MRTFA: variants seen among roughly 807,000 people sequenced by gnomAD.
MRTFA encodes the protein myocardin related transcription factor A, also known as myocardin-related transcription factor A.
Under a neutral mutation model 83.5 loss-of-function variants are expected in MRTFA, and 20 were observed. The observed-to-expected ratio is 0.24, with a 90% CI of 0.17 to 0.35. MRTFA has a LOEUF of 0.35. Among genes scored for constraint, MRTFA ranks in the 10% least tolerant of loss-of-function variants. The pLI, the probability that MRTFA is intolerant of heterozygous loss-of-function variation, is 1.00. For missense variants in MRTFA, 1,200 were observed against 1,224.7 expected, an observed-to-expected ratio of 0.98 and a Z score of 0.30; for synonymous variants, 659 against 541.2, an observed-to-expected ratio of 1.22 and a Z score of -3.02.
intron 4 of MRTFA, among the ~76,000 whole-genome samples, chr22:40,451,961 GT>G (rs66904067): frequency 0.95 from 106,958 of 112,590 alleles, 51,246 homozygotes; most frequent in African/African-American, 0.97. Flanking sequence ...CCTGGCTGAA[GT>G]TTTTTTTTTT....
intron 1 of MRTFA, among the ~76,000 whole-genome samples, chr22:40,609,874 T>C (rs1272144124): frequency 6.6e-6 from 1 of 152,040 alleles, no homozygotes; most frequent in Admixed American, 6.6e-5. Flanking sequence ...TTTGAAATAA[T>C]ATATTCTGAA....
chr22:40,512,290 T>C (rs2147243629), intron 3 of MRTFA, among the ~76,000 whole-genome samples: 1 of 152,308 alleles, frequency 6.6e-6, no homozygotes, highest in East Asian at 1.9e-4. Context: ...CAATACTAAT[T>C]CTTACAGCAA....
intron 3 of MRTFA, among the ~76,000 whole-genome samples, chr22:40,512,178 G>T (rs933504502): frequency 6.6e-6 from 1 of 152,144 alleles, no homozygotes; most frequent in East Asian, 1.9e-4. Context: ...TAAATAAACT[G>T]AGGCTAAAAG....
chr22:40,552,766 CTAATA>C (rs2055462032), intron 2 of MRTFA, among the ~76,000 whole-genome samples: 1 of 152,080 alleles, frequency 6.6e-6, no homozygotes, highest in South Asian at 2.1e-4. Context: ...TGAGAACAGA[CTAATA>C]TAGTAAATTG....
chr22:40,478,892 A>T (rs1348976409), intron 3 of MRTFA, among the ~76,000 whole-genome samples: 1 of 152,098 alleles, frequency 6.6e-6, no homozygotes, highest in Non-Finnish European at 1.5e-5. Flanking sequence ...TGTTCCACAC[A>T]CAATGCCCCT....
intron 3 of MRTFA, among the ~76,000 whole-genome samples, chr22:40,504,154 AACTG>A (rs1602350764): frequency 1.3e-5 from 2 of 152,322 alleles, no homozygotes; most frequent in East Asian, 1.9e-4. Flanking sequence ...AAAAATTCAT[AACTG>A]ACTACCTAAT....
chr22:40,476,411 T>C (rs997623270), intron 3 of MRTFA, among the ~76,000 whole-genome samples: 14 of 151,716 alleles, frequency 9.2e-5, no homozygotes, highest in African/African-American at 3.4e-4. Context: ...AATGGAATTG[T>C]TTCCTCTCCT....
At chr22:40,448,205 G>A (rs151255674) in intron 4 of MRTFA, among the ~76,000 whole-genome samples, 4,538 of 152,360 alleles carry the variant, frequency 0.03, 122 homozygotes, top group Non-Finnish European at 0.04. Flanking sequence ...AGCTGCTCGG[G>A]AGGCTGAGGC....
At chr22:40,435,614 A>C (rs1434731591) in intron 4 of MRTFA, 60 bp from the exon 5 acceptor site, 2 of 1,571,054 alleles carry the variant, frequency 1.3e-6, no homozygotes, top group South Asian at 1.1e-5. Context: ...TAGTGCTACG[A>C]TATTCAGTGG....
In MRTFA at chr22:40,484,796, G is replaced by A. The variant is rs373684501; in HGVS notation, c.242-21510C>T. Among the ~76,000 whole-genome samples, 202 of 152,152 alleles carry A rather than the reference G, an allele frequency of 1.3e-3. 4 individuals carry two copies. The highest frequency in any genetic ancestry group is 3.5e-3 in the African/African-American group (146 of 41,480). On this transcript the variant is annotated intron_variant, in intron 3 of 14. Coordinates refer to ENST00000355630, the MANE Select transcript of MRTFA (RefSeq NM_020831.6). ...AGCTCAAAATCTAAAAGTAGAGGCG[G>A]GTGCGGTGGCTCACACCTGTAATCC...
At chr22:40,412,827 T>C (rs1392071923) in intron 14 of MRTFA, 2 of 152,146 alleles carry the variant, frequency 1.3e-5, no homozygotes, top group Non-Finnish European at 2.9e-5. Context: ...CACTGAACCA[T>C]ACACTTAAAA....
chr22:40,439,002 T>C (rs541949279), intron 4 of MRTFA, among the ~76,000 whole-genome samples: 3 of 152,348 alleles, frequency 2.0e-5, no homozygotes, highest in Admixed American at 1.3e-4. Context: ...GCTAATTTAA[T>C]ATTCCTAATC....
rs758482858 is a variant in MRTFA, at chr22:40,418,532, G to A, written c.2206C>T (p.Pro736Ser). Residue 736 changes from proline (P) to serine (S), a missense_variant, in exon 12 of 15, where the codon CCC becomes TCC. Transcript: ENST00000355630. ...GGCCCCAGAAGCAACTGGGGGGCGG[G>A]GACCGGCTCGGGCTCAGGCTGCAAG... 3 of 1,584,786 alleles carry A rather than the reference G, an allele frequency of 1.9e-6. No individual in the cohort carries two copies. The East Asian group carries it at 6.7e-5, about 35-fold the overall frequency.
chr22:40,448,268 C>T (rs1166902060), intron 4 of MRTFA, among the ~76,000 whole-genome samples: 3 of 152,190 alleles, frequency 2.0e-5, no homozygotes, highest in South Asian at 4.1e-4. Context: ...CAAGATCACA[C>T]CACTGCACTC....
At chr22:40,554,526 AGG>A (rs1320959033) in intron 2 of MRTFA, among the ~76,000 whole-genome samples, 1 of 152,138 alleles carries the variant, frequency 6.6e-6, no homozygotes, top group Non-Finnish European at 1.5e-5. Context: ...CTTGTGAAGA[AGG>A]ATGTGTTTGC....
chr22:40,479,980 AACTT>A (rs1174461508), intron 3 of MRTFA, among the ~76,000 whole-genome samples: 3 of 152,186 alleles, frequency 2.0e-5, no homozygotes, highest in Admixed American at 2.0e-4. Flanking sequence ...ATGAAAATCT[AACTT>A]AAGTTATTAA....
rs540408462 is a variant in MRTFA at position 40,562,925 on chromosome 22, G to A, written c.-21-10558C>T. 5.5e-4 allele frequency among the ~76,000 whole-genome samples: 83 copies of A among 152,176 alleles called. 1 individual carries two copies. In the South Asian group the frequency reaches 7.7e-3, roughly 14 times the overall value. ...TAAATACCCTTTGGTAACAGCCAAT[G>A]GTGACAAATAGCCAATGGCAAAAAA... is the stretch of plus-strand genomic sequence containing the variant. On this transcript the variant is annotated intron_variant, in intron 2 of 14. Transcript: ENST00000355630.
intron 4 of MRTFA, 112 bp from the exon 5 acceptor site, chr22:40,435,666 C>A: frequency 8.5e-7 from 1 of 1,177,252 alleles, no homozygotes; most frequent in Non-Finnish European, 1.3e-6. Context: ...GGCGTGGTGG[C>A]TCACGCCTGT....
At chr22:40,472,588 A>T (rs1392189908) in intron 3 of MRTFA, among the ~76,000 whole-genome samples, 2 of 152,190 alleles carry the variant, frequency 1.3e-5, no homozygotes, top group African/African-American at 4.8e-5. Flanking sequence ...TTTTTTCTCA[A>T]ATTCCTTTTT....
Sources: allele counts gnomAD v4.1 joint callset (sites outside exome capture counted in the v4.1 genomes callset), GRCh38; gene constraint gnomAD v4.1.1; transcripts MANE v1.5; gene names NCBI Gene and HGNC (gene_info 2026-07-23, HGNC 2026-07-21).